The following INHA variants were observed in gnomAD, a reference collection of about 807,000 sequenced individuals.
INHA encodes the protein inhibin subunit alpha, also known as inhibin alpha chain.
Under a neutral mutation model 21.3 loss-of-function variants are expected in INHA, and 8 were observed. The observed-to-expected ratio is 0.38, with a 90% CI of 0.22 to 0.68. INHA has a LOEUF of 0.68. Among genes scored for constraint, INHA ranks in the 30% least tolerant of loss-of-function variants. The pLI is 0.53. For missense variants in INHA, 436 were observed against 465.8 expected (o/e 0.94, Z 0.59); for synonymous variants, 231 against 207.5 (o/e 1.11, Z -0.97).
In INHA at chr2:219,575,083, C is replaced by T. The variant is rs368930117; in HGVS notation, c.658C>T (p.Arg220Trp). ...EATPFLVAHT[R>W]TRPPSGGERA... ...CACGCCCTTCCTGGTGGCCCACACT[C>T]GGACCAGACCACCCAGTGGAGGGGA... The change falls in exon 2 of 2, where the codon CGG (arginine) becomes TGG (tryptophan). Residue 220 changes from arginine (R) to tryptophan (W), a missense_variant. Arg to Trp is a moderately radical substitution (Grantham distance 101). Transcript: ENST00000243786. The T allele has an allele frequency of 2.1e-5, 34 of 1,613,806 alleles. No individual in the cohort carries two copies. The highest frequency in any genetic ancestry group is 1.4e-4 in the South Asian group (13 of 91,084).
rs1301014530 is a variant in INHA at position 219,572,583 on chromosome 2, G to A, written c.209G>A (p.Arg70Lys). 2 of 1,557,232 alleles carry A rather than the reference G, an allele frequency of 1.3e-6. No individual in the cohort carries two copies. Among genetic ancestry groups the A allele is most frequent in the Admixed American group, 1.9e-5 (1 of 51,412 alleles). Residue 70 changes from arginine to lysine, a missense_variant, in exon 1 of 2, where the codon AGG becomes AAG. Coordinates refer to ENST00000243786, the MANE Select transcript of INHA (RefSeq NM_002191.4). ...RRHALGGFTH[R>K]GSEPEEEEDV... ...CATGCCCTGGGGGGCTTCACACACA[G>A]GGGCTCTGAGCCCGAGGAAGAGGAG... is the stretch of plus-strand genomic sequence containing the variant.
intron 1 of INHA, 120 bp from the exon 2 acceptor site, chr2:219,574,574 G>A: frequency 3.8e-6 from 3 of 794,398 alleles, no homozygotes; most frequent in Non-Finnish European, 6.1e-6. Flanking sequence ...GGAGGGCGTG[G>A]AGCAGAGTGC....
chr2:219,574,180 G>T (rs961575519), intron 1 of INHA, among the ~76,000 whole-genome samples: 2 of 150,964 alleles, frequency 1.3e-5, no homozygotes. Flanking sequence ...TCAGGAGGCT[G>T]AGGTGGGAGG....
rs112392695 is a variant in INHA, at chr2:219,575,636, T to G, written c.*110T>G. 5.7e-6 allele frequency: 5 copies of G among 881,398 alleles called. No individual in the cohort carries two copies. The highest frequency in any genetic ancestry group is 3.3e-5 in the African/African-American group (2 of 61,202). The allele number at this position is 881,398 out of a possible 1,614,324, so 54.6% of individuals were successfully genotyped here. On this transcript the variant is annotated 3_prime_UTR_variant, in exon 2 of 2. Coordinates refer to ENST00000243786, the MANE Select transcript of INHA (RefSeq NM_002191.4). The stretch of plus-strand genomic sequence containing the variant: ...ATAGATGGCTCCCACTCCTCCCTCC[T>G]TTCACTTCTCTGCCTATGGGCTACC...
In INHA at chr2:219,575,428, A is replaced by G; in HGVS notation, c.1003A>G (p.Met335Val). Residue 335 changes from methionine (M) to valine (V), a missense_variant, in exon 2 of 2, where the codon ATG becomes GTG. Met to Val is a conservative substitution (Grantham distance 21). Coordinates refer to ENST00000243786, the MANE Select transcript of INHA (RefSeq NM_002191.4). ...QPCCAALPGTMRPLHVRTTSD... is the reference protein window; with the variant it reads ...QPCCAALPGTVRPLHVRTTSD... Reference sequence around the variant, plus strand: ...CTGCTGTGCTGCTCTCCCAGGGACCATGAGGCCCCTACATGTCCGCACCAC... The same window carrying G: ...CTGCTGTGCTGCTCTCCCAGGGACCGTGAGGCCCCTACATGTCCGCACCAC... The G allele has an allele frequency of 3.1e-6, 5 of 1,614,022 alleles. No individual in the cohort carries two copies. The highest frequency in any genetic ancestry group is 3.4e-6 in the Non-Finnish European group (4 of 1,179,974).
rs2229913 is a variant in INHA, at chr2:219,575,538, C to G, written c.*12C>G. The G allele has an allele frequency of 4.4e-4, 704 of 1,601,998 alleles. 2 individuals carry two copies. In the African/African-American group the frequency reaches 8.1e-3, roughly 18 times the overall value. On this transcript the variant is annotated 3_prime_UTR_variant, in exon 2 of 2. Transcript: ENST00000243786. ...GTGCTTGTATCTAAGGGTGGGGGGT[C>G]TTCCTTCTTAATCCCATGGCTGGTG... is the stretch of plus-strand genomic sequence containing the variant.
rs903315450 is a variant in INHA at position 219,575,360 on chromosome 2, C to T, written c.935C>T (p.Pro312Leu). 1.2e-6 allele frequency: 2 copies of T among 1,614,166 alleles called. No homozygotes were observed. The highest frequency in any genetic ancestry group is 1.7e-6 in the Non-Finnish European group (2 of 1,180,008). Residue 312 changes from proline to leucine, a missense_variant, in exon 2 of 2, where the codon CCT becomes CTT. Physicochemically the swap from Pro to Leu is moderately conservative, Grantham distance 98. Transcript: ENST00000243786. Reference sequence around the variant, plus strand: ...TCCCTTCCAGTCCCTGGGGCTCCCCCTACCCCAGCCCAGCCCTACTCCTTG... The same window carrying T: ...TCCCTTCCAGTCCCTGGGGCTCCCCTTACCCCAGCCCAGCCCTACTCCTTG... ...NLSLPVPGAP[P>L]TPAQPYSLLP...
intron 1 of INHA, among the ~76,000 whole-genome samples, chr2:219,573,951 G>T (rs1166500826): frequency 7.1e-6 from 1 of 141,596 alleles, no homozygotes; most frequent in African/African-American, 2.7e-5. Flanking sequence ...CAGCCTGGGC[G>T]ACAGAGCTAG....
chr2:219,572,865 T>C (rs1697446045), intron 1 of INHA, among the ~76,000 whole-genome samples: 1 of 152,226 alleles, frequency 6.6e-6, no homozygotes, highest in Non-Finnish European at 1.5e-5. Context: ...CTAGAGTGCA[T>C]GGCAGGTGGG....
At chr2:219,573,942 A>T (rs1011920853) in intron 1 of INHA, among the ~76,000 whole-genome samples, 5 of 149,240 alleles carry the variant, frequency 3.4e-5, no homozygotes, top group Admixed American at 2.7e-4. Context: ...ACTGCACTCC[A>T]GCCTGGGCGA....
rs1193951398 is a variant in INHA at position 219,572,626 on chromosome 2, C to G, written c.252C>G (p.Ile84Met). The change falls in exon 1 of 2, where the codon ATC becomes ATG. Residue 84 changes from isoleucine (I) to methionine (M), a missense_variant. Ile to Met is a conservative substitution (Grantham distance 10, BLOSUM62 1). Coordinates refer to ENST00000243786, the MANE Select transcript of INHA (RefSeq NM_002191.4). ...PEEEEDVSQAILFPATDASCE... is the reference protein window; with the variant it reads ...PEEEEDVSQAMLFPATDASCE... ...AAGAGGAGGATGTCTCCCAAGCCATCCTTTTCCCAGCCACAGGTAACGAGG... is the reference window on the plus strand; with the variant it reads ...AAGAGGAGGATGTCTCCCAAGCCATGCTTTTCCCAGCCACAGGTAACGAGG... 8 of 1,551,738 alleles carry G rather than the reference C, an allele frequency of 5.2e-6. No individual in the cohort carries two copies. The highest frequency in any genetic ancestry group is 7.0e-6 in the Non-Finnish European group (8 of 1,147,082).
Position 219,575,339 on chromosome 2 carries a change from T to G in INHA, c.914T>G (p.Leu305Arg). 6.2e-7 allele frequency: 1 copy of G among 1,614,206 alleles called. No homozygotes were observed. Among genetic ancestry groups the G allele is most frequent in the Non-Finnish European group, 8.5e-7 (1 of 1,180,012 alleles). ...CTGCACATCCCACCAAACCTGTCCC[T>G]TCCAGTCCCTGGGGCTCCCCCTACC... ...CGLHIPPNLS[L>R]PVPGAPPTPA... The change falls in exon 2 of 2, where the codon CTT becomes CGT. Residue 305 changes from leucine to arginine, a missense_variant. By Grantham distance (102) the Leu-to-Arg change is moderately radical. Transcript: ENST00000243786.
chr2:219,575,247 G>C lies in INHA; in HGVS notation c.822G>C (p.Leu274=), dbSNP rs759530572. The C allele has an allele frequency of 9.3e-6, 15 of 1,614,104 alleles. No homozygotes were observed. The highest frequency in any genetic ancestry group is 1.7e-5 in the Admixed American group (1 of 60,010). The change falls in exon 2 of 2, where the codon CTG becomes CTC. Residue 274 remains leucine (L), a synonymous_variant. Coordinates refer to ENST00000243786, the MANE Select transcript of INHA (RefSeq NM_002191.4). ...CACTGAACATCTCCTTCCAGGAGCT[G>C]GGCTGGGAACGGTGGATCGTGTACC... is the stretch of plus-strand genomic sequence containing the variant. ...RVALNISFQE[L]GWERWIVYPP...
rs780099905 is a variant in INHA at position 219,574,911 on chromosome 2, C to T, written c.486C>T (p.Pro162=). The T allele has an allele frequency of 1.4e-5, 22 of 1,614,078 alleles. No homozygotes were observed. Among genetic ancestry groups the T allele is most frequent in the Admixed American group, 3.3e-5 (2 of 60,016 alleles). ...TGCTGGCACTGTCACCGGGAGGACC[C>T]GTGGCTGTGCCCATGTCTTTGGGCC... ...LGLLALSPGG[P]VAVPMSLGHA... is the part of the protein sequence containing the mutation. The change falls in exon 2 of 2, where the codon CCC becomes CCT. Residue 162 remains proline (P), a synonymous_variant. Coordinates refer to ENST00000243786, the MANE Select transcript of INHA (RefSeq NM_002191.4).
chr2:219,572,440 G>A lies in INHA; in HGVS notation c.66G>A (p.Leu22=), dbSNP rs779364098. The A allele has an allele frequency of 6.2e-7, 1 of 1,614,104 alleles. No individual in the cohort carries two copies. The highest frequency in any genetic ancestry group is 8.5e-7 in the Non-Finnish European group (1 of 1,180,032). ...TPQGGHSCQG[L]ELARELVLAK... ...AGGGTGGGCACAGCTGCCAGGGGCT[G>A]GAGCTGGCCCGGGAACTTGTTCTGG... The change falls in exon 1 of 2, where the codon CTG becomes CTA. Residue 22 remains leucine (L), a synonymous_variant. Coordinates refer to ENST00000243786, the MANE Select transcript of INHA (RefSeq NM_002191.4).
chr2:219,572,606 G>A lies in INHA; in HGVS notation c.232G>A (p.Glu78Lys), dbSNP rs1251538253. 1 of 1,552,628 alleles carries A rather than the reference G, an allele frequency of 6.4e-7. No individual in the cohort carries two copies. The highest frequency in any genetic ancestry group is 1.4e-5 in the African/African-American group (1 of 73,116). Residue 78 changes from glutamate to lysine, a missense_variant, in exon 1 of 2, where the codon GAG (glutamate) becomes AAG (lysine). Physicochemically the swap from Glu to Lys is moderately conservative, Grantham distance 56. Coordinates refer to ENST00000243786, the MANE Select transcript of INHA (RefSeq NM_002191.4). ...CAGGGGCTCTGAGCCCGAGGAAGAG[G>A]AGGATGTCTCCCAAGCCATCCTTTT... The part of the protein sequence containing the change: ...THRGSEPEEE[E>K]DVSQAILFPA...
chr2:219,573,969 C>A (rs1338955866), intron 1 of INHA, among the ~76,000 whole-genome samples: 7 of 77,562 alleles, frequency 9.0e-5, no homozygotes, highest in Non-Finnish European at 1.5e-4. Context: ...TAGACTCCAT[C>A]TCAAAAAAAA....
In INHA at chr2:219,574,975, T is replaced by C; in HGVS notation, c.550T>C (p.Ser184Pro). Residue 184 changes from serine to proline, a missense_variant, in exon 2 of 2, where the codon TCT (serine) becomes CCT (proline). Physicochemically the swap from Ser to Pro is moderately conservative, Grantham distance 74. Coordinates refer to ENST00000243786, the MANE Select transcript of INHA (RefSeq NM_002191.4). ...CTGGGCCGTGCTGCACCTGGCCACCTCTGCTCTCTCTCTGCTGACCCACCC... is the reference window on the plus strand; with the variant it reads ...CTGGGCCGTGCTGCACCTGGCCACCCCTGCTCTCTCTCTGCTGACCCACCC... The part of the protein sequence containing the change: ...PHWAVLHLAT[S>P]ALSLLTHPVL... The C allele has an allele frequency of 6.2e-7, 1 of 1,613,800 alleles. No individual in the cohort carries two copies. Among genetic ancestry groups the C allele is most frequent in the Admixed American group, 1.7e-5 (1 of 60,034 alleles).
At position 219,575,024 on chromosome 2, in the gene INHA, G is replaced by A; in HGVS notation, c.599G>A (p.Cys200Tyr). ...THPVLVLLLRCPLCTCSARPE... is the reference protein window; with the variant it reads ...THPVLVLLLRYPLCTCSARPE... ...CCCGTCCTGGTGCTGCTGCTGCGCT[G>A]TCCCCTCTGTACCTGCTCAGCCCGG... The change falls in exon 2 of 2, where the codon TGT becomes TAT. Residue 200 changes from cysteine to tyrosine, a missense_variant. Coordinates refer to ENST00000243786, the MANE Select transcript of INHA (RefSeq NM_002191.4). The A allele has an allele frequency of 6.2e-7, 1 of 1,613,178 alleles. No individual in the cohort carries two copies.
Sources: gnomAD v4.1 joint callset for allele counts (sites outside exome capture counted in the v4.1 genomes callset) on GRCh38, gnomAD v4.1.1 for gene constraint, MANE v1.5 for transcripts, NCBI Gene and HGNC (gene_info 2026-07-23, HGNC 2026-07-21) for gene names.